ENPEP: variants seen among roughly 807,000 people sequenced by gnomAD.
The protein encoded by ENPEP is glutamyl aminopeptidase, also known as AP-A.
ENPEP carries 103 observed loss-of-function variants against 114.5 expected under a neutral mutation model. The observed-to-expected ratio is 0.90, with a 90% CI of 0.77 to 1.06. ENPEP has a LOEUF of 1.06. ENPEP is among the 50% of genes least tolerant of loss of function. The probability of loss-of-function intolerance (pLI) is 0.00; values close to 1 mark genes in which losing one functional copy is unlikely to be tolerated. For missense variants in ENPEP, 1,196 were observed against 1,161.3 expected (o/e 1.03, Z -0.43); for synonymous variants, 420 against 422.0 (o/e 1.00, Z 0.06).
At chr4:110,545,748 T>A (rs1727030741) in intron 13 of ENPEP, among the ~76,000 whole-genome samples, 1 of 152,014 alleles carries the variant, frequency 6.6e-6, no homozygotes, top group South Asian at 2.1e-4. Flanking sequence ...TTGAGAAGGA[T>A]CTTTCTCCTG....
Position 110,559,679 on chromosome 4 carries a change from T to G in ENPEP, c.2675T>G (p.Ile892Ser). ...CTCAATAACAGAAACCTTGGCCGAA[T>G]TGTCACAATAGCAGAGCCATTCAAC... ...YTLNNRNLGRIVTIAEPFNTE... is the reference protein window; with the variant it reads ...YTLNNRNLGRSVTIAEPFNTE... Residue 892 changes from isoleucine (I) to serine (S), a missense_variant, in exon 19 of 20, where the codon ATT (isoleucine) becomes AGT (serine). Transcript: ENST00000265162. 6.2e-7 allele frequency: 1 copy of G among 1,614,014 alleles called. No individual in the cohort carries two copies. Among genetic ancestry groups the G allele is most frequent in the Non-Finnish European group, 8.5e-7 (1 of 1,179,904 alleles).
At chr4:110,500,550 TATA>T (rs2110345589) in intron 3 of ENPEP, among the ~76,000 whole-genome samples, 1 of 152,346 alleles carries the variant, frequency 6.6e-6, no homozygotes, top group East Asian at 1.9e-4. Flanking sequence ...TATGTTTATA[TATA>T]ATGTTTACAT....
At chr4:110,547,495 A>G (rs993513399) in intron 13 of ENPEP, among the ~76,000 whole-genome samples, 1 of 152,076 alleles carries the variant, frequency 6.6e-6, no homozygotes, top group Non-Finnish European at 1.5e-5. Context: ...TTCATGAGAC[A>G]GGGAATACAA....
Position 110,543,055 on chromosome 4 carries a change from C to A in ENPEP, c.1985C>A (p.Ala662Asp), listed in dbSNP as rs200157627. ...SADRASLIDD[A>D]FALARAQLLD... Reference sequence around the variant, plus strand: ...GATCGTGCAAGTCTTATTGATGATGCTTTTGCCTTGGCAAGGTGCGTTTTA... The same window carrying A: ...GATCGTGCAAGTCTTATTGATGATGATTTTGCCTTGGCAAGGTGCGTTTTA... The change falls in exon 13 of 20, where the codon GCT becomes GAT. Residue 662 changes from alanine (A) to aspartate (D), a missense_variant. Coordinates refer to ENST00000265162, the MANE Select transcript of ENPEP (RefSeq NM_001977.4). 1.1e-4 allele frequency: 184 copies of A among 1,613,098 alleles called. No homozygotes were observed. Among genetic ancestry groups the A allele is most frequent in the Non-Finnish European group, 1.5e-4 (176 of 1,179,286 alleles).
intron 17 of ENPEP, 44 bp downstream of exon 17, chr4:110,549,930 GT>G: frequency 6.7e-7 from 1 of 1,497,504 alleles, no homozygotes; most frequent in Non-Finnish European, 9.0e-7. Flanking sequence ...GTATTTAATA[GT>G]TTATGTGTCA....
At chr4:110,520,173 T>G (rs1578405594) in intron 9 of ENPEP, 42 bp from the exon 10 acceptor site, 2 of 1,601,034 alleles carry the variant, frequency 1.2e-6, no homozygotes, top group East Asian at 4.5e-5. Flanking sequence ...TATTTTCTCA[T>G]ATTTGTTAAT....
intron 13 of ENPEP, among the ~76,000 whole-genome samples, chr4:110,545,705 T>C (rs1727029390): frequency 6.6e-6 from 1 of 152,040 alleles, no homozygotes; most frequent in South Asian, 2.1e-4. Flanking sequence ...GTGTTGTGTT[T>C]TTATGGGATT....
At chr4:110,556,307 T>A (rs532337196) in intron 18 of ENPEP, among the ~76,000 whole-genome samples, 3 of 152,160 alleles carry the variant, frequency 2.0e-5, no homozygotes, top group East Asian at 3.9e-4. Flanking sequence ...ATATTACTGT[T>A]TCTCCTTGAG....
At chr4:110,524,811 T>G (rs1253128051) in intron 10 of ENPEP, among the ~76,000 whole-genome samples, 2 of 152,146 alleles carry the variant, frequency 1.3e-5, no homozygotes, top group Non-Finnish European at 2.9e-5. Flanking sequence ...TAGGCTGGAG[T>G]GCATTGGTGA....
At chr4:110,552,210 G>A (rs9997349) in intron 17 of ENPEP, among the ~76,000 whole-genome samples, 130,827 of 152,194 alleles carry the variant, frequency 0.86, 56,519 homozygotes, top group East Asian at 0.92. Context: ...ACGATGTACT[G>A]TCACTCTCCC....
intron 18 of ENPEP, among the ~76,000 whole-genome samples, chr4:110,558,032 A>ATTTTTTTTTTTTTTTTTTTTTTTTTT (rs201439917): frequency 9.7e-6 from 1 of 103,204 alleles, no homozygotes; most frequent in African/African-American, 4.3e-5. Flanking sequence ...ATATGGTAGG[A>ATTTTTTTTTTTTTTTTTTTTTTTTTT]TTTTTTTTTT....
At chr4:110,483,008 C>G (rs1724372410) in intron 1 of ENPEP, among the ~76,000 whole-genome samples, 1 of 151,832 alleles carries the variant, frequency 6.6e-6, no homozygotes, top group East Asian at 1.9e-4. Flanking sequence ...GACTCCATCT[C>G]AAACAAACAA....
At chr4:110,505,092 G>A (rs1220723805) in intron 3 of ENPEP, among the ~76,000 whole-genome samples, 8 of 152,178 alleles carry the variant, frequency 5.3e-5, no homozygotes, top group Non-Finnish European at 1.0e-4. Context: ...GAGACTCTTG[G>A]TTTATGACAT....
chr4:110,550,030 C>A, intron 17 of ENPEP, 144 bp downstream of exon 17: 1 of 765,094 alleles, frequency 1.3e-6, no homozygotes, highest in Non-Finnish European at 2.0e-6. Context: ...AACAAAATAT[C>A]CATGTAAGAC....
intron 11 of ENPEP, among the ~76,000 whole-genome samples, chr4:110,537,570 G>A (rs1274844029): frequency 3.3e-5 from 5 of 152,156 alleles, no homozygotes; most frequent in African/African-American, 1.2e-4. Context: ...ACACCTCAAA[G>A]TCATTCCTGA....
At chr4:110,481,270 A>T (rs1377086759) in intron 1 of ENPEP, among the ~76,000 whole-genome samples, 10 of 149,152 alleles carry the variant, frequency 6.7e-5, no homozygotes, top group African/African-American at 1.7e-4. Context: ...TTTTTTTTTT[A>T]AAGAGATGAG....
Position 110,561,691 on chromosome 4 carries a change from T to A in ENPEP, c.*133T>A, listed in dbSNP as rs866866267. 1.5e-4 allele frequency: 121 copies of A among 829,960 alleles called. No homozygotes were observed. The Middle Eastern group carries it at 2.9e-3, about 20-fold the overall frequency. The allele number at this position is 829,960 out of a possible 1,614,324, so 51.4% of individuals were successfully genotyped here. A position where few individuals can be genotyped will look rare whatever the true frequency, so the allele number is the denominator to read the frequency against. On this transcript the variant is annotated 3_prime_UTR_variant, in exon 20 of 20. Coordinates refer to ENST00000265162, the MANE Select transcript of ENPEP (RefSeq NM_001977.4). ...GCTTTTACTAAGCACTGTGTTTATA[T>A]GTCTTGCAAAGCCTTTAAATTGTTC...
chr4:110,477,133 T>C, intron 1 of ENPEP, 75 bp downstream of exon 1: 1 of 1,510,882 alleles, frequency 6.6e-7, no homozygotes, highest in Non-Finnish European at 8.9e-7. Context: ...TCCTTTTCAC[T>C]TTCCGCTTTT....
chr4:110,512,344 C>T lies in ENPEP; in HGVS notation c.1309-1071C>T, dbSNP rs916613592. Reference sequence around the variant, plus strand: ...CACACACACAGCTGGTAGCAAAATCCAAAATCACACACACAGCTGGTATAG... The same window carrying T: ...CACACACACAGCTGGTAGCAAAATCTAAAATCACACACACAGCTGGTATAG... On this transcript the variant is annotated intron_variant, in intron 6 of 19. Coordinates refer to ENST00000265162, the MANE Select transcript of ENPEP (RefSeq NM_001977.4). 4.6e-5 allele frequency: 7 copies of T among 152,246 alleles called. No homozygotes were observed. The East Asian group carries it at 7.7e-4, about 17-fold the overall frequency. 9.4% of individuals were successfully genotyped at this position (152,246 alleles called of 1,614,324 possible).
Sources: gnomAD v4.1 joint callset for allele counts (sites outside exome capture counted in the v4.1 genomes callset) on GRCh38, gnomAD v4.1.1 for gene constraint, MANE v1.5 for transcripts, NCBI Gene and HGNC (gene_info 2026-07-23, HGNC 2026-07-21) for gene names.